The following NPAS3 variants were observed in gnomAD, a reference collection of about 807,000 sequenced individuals.
NPAS3 encodes the protein neuronal PAS domain-containing protein 3.
In NPAS3, 14 loss-of-function variants were observed where a neutral mutation model predicts 73.1. That is an observed-to-expected ratio of 0.19 (90% CI 0.13 to 0.30). The LOEUF is 0.30. Ranked by LOEUF, NPAS3 falls within the 10% of genes least tolerant of loss-of-function variation. The pLI is 1.00. For missense variants in NPAS3, 1,096 were observed against 1,250.0 expected (o/e 0.88, Z 1.86); for synonymous variants, 620 against 541.5 (o/e 1.14, Z -2.01).
chr14:33,625,974 G>T (rs1332448446), intron 5 of NPAS3, among the ~76,000 whole-genome samples: 1 of 152,110 alleles, frequency 6.6e-6, no homozygotes, highest in Non-Finnish European at 1.5e-5. Flanking sequence ...ATCTTAAATG[G>T]TTAACCAATG....
intron 1 of NPAS3, among the ~76,000 whole-genome samples, chr14:32,951,631 GA>G (rs2036487624): frequency 6.6e-6 from 1 of 152,028 alleles, no homozygotes; most frequent in Non-Finnish European, 1.5e-5. Flanking sequence ...GACAGTAGAA[GA>G]ACTCTGGAAA....
At chr14:33,635,010 C>T (rs1276140466) in intron 5 of NPAS3, among the ~76,000 whole-genome samples, 1 of 152,134 alleles carries the variant, frequency 6.6e-6, no homozygotes, top group South Asian at 2.1e-4. Flanking sequence ...GATATATGCT[C>T]AAGTTTGAGA....
chr14:33,212,947 A>G (rs181455651), intron 2 of NPAS3, among the ~76,000 whole-genome samples: 3 of 152,312 alleles, frequency 2.0e-5, no homozygotes, highest in African/African-American at 7.2e-5. Context: ...TGACTATGAC[A>G]TGTTTTATTT....
chr14:33,670,186 C>G (rs1405434427), intron 5 of NPAS3, among the ~76,000 whole-genome samples: 1 of 152,182 alleles, frequency 6.6e-6, no homozygotes, highest in Non-Finnish European at 1.5e-5. Context: ...AAAATAAACA[C>G]ATGATGTGGT....
intron 1 of NPAS3, among the ~76,000 whole-genome samples, chr14:33,004,817 C>CTTTTTTTT: frequency 1.8e-3 from 112 of 63,928 alleles, no homozygotes; most frequent in East Asian, 2.5e-3. Flanking sequence ...AAAAGTTTTC[C>CTTTTTTTT]TTTTTTTTTT....
At chr14:33,174,634 T>A (rs1339675070) in intron 2 of NPAS3, among the ~76,000 whole-genome samples, 1 of 152,248 alleles carries the variant, frequency 6.6e-6, no homozygotes, top group Non-Finnish European at 1.5e-5. Context: ...TCAACTCATT[T>A]GTTGCTTACC....
chr14:33,573,695 T>C (rs1344720299), intron 5 of NPAS3, among the ~76,000 whole-genome samples: 1 of 152,042 alleles, frequency 6.6e-6, no homozygotes, highest in East Asian at 1.9e-4. Context: ...GCTAAGGAAA[T>C]TGGAATTTTT....
intron 6 of NPAS3, among the ~76,000 whole-genome samples, chr14:33,683,111 C>T (rs1054606615): frequency 1.4e-4 from 22 of 152,188 alleles, no homozygotes; most frequent in African/African-American, 5.1e-4. Context: ...AAAAAAAATA[C>T]AGCTTTTATA....
chr14:33,401,250 AAG>A (rs1254546858), intron 4 of NPAS3, among the ~76,000 whole-genome samples: 2 of 152,132 alleles, frequency 1.3e-5, no homozygotes, highest in African/African-American at 2.4e-5. Flanking sequence ...AAGGCCACAG[AAG>A]AGAGTGTAGA....
intron 4 of NPAS3, among the ~76,000 whole-genome samples, chr14:33,477,704 C>T (rs1417686291): frequency 6.6e-6 from 1 of 152,080 alleles, no homozygotes; most frequent in Non-Finnish European, 1.5e-5. Flanking sequence ...GTTCATTTGC[C>T]CCTTACAGCC....
intron 2 of NPAS3, among the ~76,000 whole-genome samples, chr14:33,198,098 T>TG (rs1278701003): frequency 4.0e-5 from 6 of 151,896 alleles, no homozygotes; most frequent in Non-Finnish European, 7.4e-5. Flanking sequence ...TTCCTCCCAG[T>TG]GGGGGGTTCG....
intron 4 of NPAS3, among the ~76,000 whole-genome samples, chr14:33,391,183 A>T (rs1412778029): frequency 2.1e-5 from 3 of 144,866 alleles, no homozygotes; most frequent in Admixed American, 6.9e-5. Context: ...TCTTTGGCCC[A>T]TATCTTTTTT....
At chr14:33,148,357 A>G (rs1475136199) in intron 2 of NPAS3, among the ~76,000 whole-genome samples, 1 of 152,202 alleles carries the variant, frequency 6.6e-6, no homozygotes, top group Non-Finnish European at 1.5e-5. Flanking sequence ...TATTTATTAT[A>G]AGCCAACATT....
At chr14:33,172,438 A>G (rs745547722) in intron 2 of NPAS3, among the ~76,000 whole-genome samples, 1 of 152,212 alleles carries the variant, frequency 6.6e-6, no homozygotes, top group East Asian at 1.9e-4. Context: ...GAGATTGCAT[A>G]TAAAAATTAA....
chr14:33,709,082 A>G (rs1432905447), intron 6 of NPAS3, among the ~76,000 whole-genome samples: 1 of 152,206 alleles, frequency 6.6e-6, no homozygotes, highest in East Asian at 1.9e-4. Flanking sequence ...ATATTTATTG[A>G]TTGAATGAGT....
chr14:33,032,695 G>A (rs908094158), intron 1 of NPAS3, among the ~76,000 whole-genome samples: 3 of 152,230 alleles, frequency 2.0e-5, no homozygotes, highest in African/African-American at 7.2e-5. Flanking sequence ...TTGAGCTCCA[G>A]TGGTCCACAG....
chr14:32,977,691 C>T (rs898378514), intron 1 of NPAS3, among the ~76,000 whole-genome samples: 2 of 123,574 alleles, frequency 1.6e-5, no homozygotes, highest in African/African-American at 2.5e-5. Context: ...GTGATTGCAC[C>T]ACTGCGCTCC....
At chr14:33,067,272 C>T (rs2041313686) in intron 2 of NPAS3, among the ~76,000 whole-genome samples, 1 of 152,206 alleles carries the variant, frequency 6.6e-6, no homozygotes, top group African/African-American at 2.4e-5. Context: ...CCCTAAGGAA[C>T]TTGAAGCCAT....
intron 4 of NPAS3, among the ~76,000 whole-genome samples, chr14:33,472,145 A>C (rs972533049): frequency 6.6e-6 from 1 of 152,198 alleles, no homozygotes; most frequent in Non-Finnish European, 1.5e-5. Context: ...GCAGTTACAA[A>C]TTGTTGATCC....
Sources: gnomAD v4.1 joint callset for allele counts (sites outside exome capture counted in the v4.1 genomes callset) on GRCh38, gnomAD v4.1.1 for gene constraint, MANE v1.5 for transcripts, NCBI Gene and HGNC (gene_info 2026-07-23, HGNC 2026-07-21) for gene names.